GLO1: variants seen among roughly 807,000 people sequenced by gnomAD.
GLO1 encodes lactoylglutathione lyase.
In GLO1, 28 loss-of-function variants were observed where a neutral mutation model predicts 26.0. The ratio of observed to expected loss-of-function variants is 1.08; its 90% CI spans 0.80 to 1.48. The LOEUF (loss-of-function observed/expected upper bound fraction) is 1.48. Among genes scored for constraint, GLO1 ranks in the 40% most tolerant of loss-of-function variants. The pLI, the probability that GLO1 is intolerant of heterozygous loss-of-function variation, is 0.00. For synonymous variants in GLO1, 78 were observed against 77.6 expected, an observed-to-expected ratio of 1.00 and a Z score of -0.03; for missense variants, 225 against 224.8, an observed-to-expected ratio of 1.00 and a Z score of -0.01.
At chr6:38,688,979 G>T (rs1349851674) in intron 1 of GLO1, among the ~76,000 whole-genome samples, 1 of 152,232 alleles carries the variant, frequency 6.6e-6, no homozygotes, top group East Asian at 1.9e-4. Flanking sequence ...ATAAAGGGAA[G>T]TGGGACAGAT....
At position 38,682,848 on chromosome 6, in the gene GLO1, G is replaced by A; in HGVS notation, c.336C>T (p.Thr112=). Residue 112 remains threonine, a synonymous_variant, in exon 4 of 6, where the codon ACC becomes ACT. Coordinates refer to ENST00000373365, the MANE Select transcript of GLO1 (RefSeq NM_006708.3). ...CTGAATTGCCATTGTGGTAACTCTG[G>A]GTCTCATCATCTTCAGTGCCCCAAT... ...THNWGTEDDE[T]QSYHNGNSDP... The A allele has an allele frequency of 1.9e-6, 3 of 1,605,756 alleles. No individual in the cohort carries two copies. The South Asian group carries it at 3.3e-5, about 18-fold the overall frequency.
intron 5 of GLO1, among the ~76,000 whole-genome samples, chr6:38,678,401 A>AGG (rs60941856): frequency 0.43 from 54,206 of 126,946 alleles, 10,826 homozygotes; most frequent in Non-Finnish European, 0.47. Context: ...GAAGGAAGGA[A>AGG]AAGAAAAGGA....
At chr6:38,679,065 G>A (rs1052117875) in intron 5 of GLO1, among the ~76,000 whole-genome samples, 2 of 152,150 alleles carry the variant, frequency 1.3e-5, no homozygotes, top group African/African-American at 4.8e-5. Flanking sequence ...CACCCCCAAA[G>A]CAATGGACTG....
At chr6:38,694,392 G>C (rs62396385) in intron 1 of GLO1, among the ~76,000 whole-genome samples, 7,924 of 152,224 alleles carry the variant, frequency 0.052, 298 homozygotes, top group East Asian at 0.2. Context: ...TGAAAGAGGA[G>C]CGTTGGCTGG....
At chr6:38,681,103 G>A (rs1020199153) in intron 5 of GLO1, among the ~76,000 whole-genome samples, 12 of 152,066 alleles carry the variant, frequency 7.9e-5, no homozygotes, top group Admixed American at 2.6e-4. Flanking sequence ...TCACTCTGTC[G>A]CCCAGGCTGG....
intron 3 of GLO1, among the ~76,000 whole-genome samples, chr6:38,683,923 A>C (rs1003837719): frequency 1.3e-5 from 2 of 152,050 alleles, no homozygotes; most frequent in Non-Finnish European, 2.9e-5. Context: ...AATAAAAGAC[A>C]AATGGGCCAG....
At chr6:38,687,015 C>T (rs1280832095) in intron 1 of GLO1, 41 bp from the exon 2 acceptor site, 11 of 1,538,664 alleles carry the variant, frequency 7.1e-6, no homozygotes, top group Non-Finnish European at 8.9e-6. Flanking sequence ...TCACTTTTAC[C>T]ATTTATTACC....
chr6:38,679,987 A>T (rs1562480659), intron 5 of GLO1, among the ~76,000 whole-genome samples: 2 of 152,214 alleles, frequency 1.3e-5, no homozygotes, highest in Non-Finnish European at 2.9e-5. Context: ...GTTTGAGGAA[A>T]TCTCCCAGAA....
intron 1 of GLO1, among the ~76,000 whole-genome samples, chr6:38,692,918 T>C (rs992110371): frequency 6.6e-6 from 1 of 151,408 alleles, no homozygotes; most frequent in Non-Finnish European, 1.5e-5. Context: ...ATATATACTG[T>C]TGAATTCTGT....
Position 38,676,974 on chromosome 6 carries a change from T to G in GLO1, c.*321A>C, listed in dbSNP as rs746424331. 3 of 224,846 alleles carry G rather than the reference T, an allele frequency of 1.3e-5. No individual in the cohort carries two copies. Among genetic ancestry groups the G allele is most frequent in the Non-Finnish European group, 2.6e-5 (3 of 116,896 alleles). 13.9% of individuals were successfully genotyped at this position (224,846 alleles called of 1,614,324 possible). A position where few individuals can be genotyped will look rare whatever the true frequency, so the allele number is the denominator to read the frequency against. ...TTAATTTTTTTTTAAAAATGATGAT[T>G]CAAAGGCAGATTTGAAGGGAAGTAA... On this transcript the variant is annotated 3_prime_UTR_variant, in exon 6 of 6. Transcript: ENST00000373365.
rs1195680889 is a variant in GLO1 at position 38,703,104 on chromosome 6, A to AC, written c.-51dup. ...ACGGGACCCAAGGAACGGAGGAGTC[A>AC]CCCACACTACGCCTCGGCCCTGTGC... On this transcript the variant is annotated 5_prime_UTR_variant, in exon 1 of 6. Transcript: ENST00000373365. 9.5e-6 allele frequency: 10 copies of AC among 1,051,420 alleles called. No homozygotes were observed. The African/African-American group carries it at 1.5e-4, about 15-fold the overall frequency. The allele number at this position is 1,051,420 out of a possible 1,614,324, so 65.1% of individuals were successfully genotyped here.
At chr6:38,697,290 TTTAC>T in intron 1 of GLO1, among the ~76,000 whole-genome samples, 1 of 152,270 alleles carries the variant, frequency 6.6e-6, no homozygotes, top group East Asian at 1.9e-4. Context: ...ATGGTGCCAG[TTTAC>T]TCAAAACGGT....
rs1042061793 is a variant in GLO1 at position 38,676,504 on chromosome 6, T to C, written c.*791A>G. 2 of 152,198 alleles carry C rather than the reference T, an allele frequency of 1.3e-5. No individual in the cohort carries two copies. The highest frequency in any genetic ancestry group is 4.8e-5 in the African/African-American group (2 of 41,454). 9.4% of individuals were successfully genotyped at this position (152,198 alleles called of 1,614,324 possible). On this transcript the variant is annotated 3_prime_UTR_variant, in exon 6 of 6. Transcript: ENST00000373365. ...GAGGTATTGTGAGGTACTACAACTTTGAGGCACAATCTAAATACTAAAAAT... is the reference window on the plus strand; with the variant it reads ...GAGGTATTGTGAGGTACTACAACTTCGAGGCACAATCTAAATACTAAAAAT...
intron 1 of GLO1, among the ~76,000 whole-genome samples, chr6:38,688,559 C>T (rs986827638): frequency 3.9e-5 from 6 of 152,218 alleles, no homozygotes; most frequent in African/African-American, 1.4e-4. Flanking sequence ...AGCTGCTTCT[C>T]TATTGATTAC....
In GLO1 at chr6:38,684,390, T is replaced by C; in HGVS notation, c.292A>G (p.Thr98Ala). 4.6e-6 allele frequency: 7 copies of C among 1,516,864 alleles called. No homozygotes were observed. Among genetic ancestry groups the C allele is most frequent in the Non-Finnish European group, 6.2e-6 (7 of 1,127,562 alleles). 94.0% of individuals were successfully genotyped at this position (1,516,864 alleles called of 1,614,324 possible). The change falls in exon 3 of 6, where the codon ACA becomes GCA. Residue 98 changes from threonine (T) to alanine (A), a missense_variant. Thr to Ala is a moderately conservative substitution (Grantham distance 58). Transcript: ENST00000373365. Reference protein sequence around the residue: ...KIAWALSRKATLELTHNWGTE... With the variant: ...KIAWALSRKAALELTHNWGTE... ...CATACTCACTGTGTCAGCTCAAGTG[T>C]AGCTTTTCTGGAGAGCGCCCAGGCT...
chr6:38,701,993 C>T (rs537624262), intron 1 of GLO1, among the ~76,000 whole-genome samples: 15 of 149,946 alleles, frequency 1.0e-4, no homozygotes, highest in African/African-American at 3.2e-4. Context: ...TGCAGTGGCA[C>T]GATCTCAGCT....
At chr6:38,697,761 G>C (rs749980298) in intron 1 of GLO1, among the ~76,000 whole-genome samples, 2 of 152,178 alleles carry the variant, frequency 1.3e-5, no homozygotes, top group African/African-American at 4.8e-5. Flanking sequence ...AAACAAAAGT[G>C]AACAAAGTGG....
chr6:38,682,520 G>C (rs1761396883), intron 4 of GLO1, among the ~76,000 whole-genome samples: 1 of 151,874 alleles, frequency 6.6e-6, no homozygotes, highest in Admixed American at 6.6e-5. Context: ...CAGAAACTGG[G>C]ATTAGTATTA....
In GLO1 at chr6:38,682,812, T is replaced by A. The variant is rs1130534; in HGVS notation, c.372A>T (p.Gly124=). 0.13 allele frequency: 205,359 copies of A among 1,575,686 alleles called. 16,596 individuals carry two copies. Among genetic ancestry groups the A allele is most frequent in the African/African-American group, 0.31 (23,117 of 74,028 alleles). The change falls in exon 4 of 6, where the codon GGA becomes GGT. Residue 124 remains glycine, a synonymous_variant. Transcript: ENST00000373365. ...CATAAAAACAGGCAAACTTACCGAA[T>A]CCTCGAGGGTCTGAATTGCCATTGT... is the stretch of plus-strand genomic sequence containing the variant. The part of the protein sequence containing the change: ...SYHNGNSDPR[G]FGHIGIAVPD...
Sources: allele counts gnomAD v4.1 joint callset (sites outside exome capture counted in the v4.1 genomes callset), GRCh38; gene constraint gnomAD v4.1.1; transcripts MANE v1.5; gene names NCBI Gene and HGNC (gene_info 2026-07-23, HGNC 2026-07-21).